DSCAM: variants seen among roughly 807,000 people sequenced by gnomAD.
The protein encoded by DSCAM is cell adhesion molecule DSCAM.
A neutral mutation model predicts 217.7 loss-of-function variants in DSCAM; 47 were observed. The observed-to-expected ratio is 0.22, with a 90% CI of 0.17 to 0.28. The LOEUF (loss-of-function observed/expected upper bound fraction) is 0.28, where lower values mean the gene tolerates loss of function less well. Ranked by LOEUF, DSCAM falls within the 10% of genes least tolerant of loss-of-function variation. DSCAM has a pLI of 1.00. For synonymous variants in DSCAM, 1,056 were observed against 1,015.3 expected (o/e 1.04, Z -0.76); for missense variants, 2,080 against 2,618.3 (o/e 0.79, Z 4.49).
intron 20 of DSCAM, among the ~76,000 whole-genome samples, chr21:40,118,063 G>T (rs1397794598): frequency 6.6e-6 from 1 of 152,134 alleles, no homozygotes; most frequent in African/African-American, 2.4e-5. Flanking sequence ...AAACTAGACA[G>T]GAGATGCAGC....
intron 1 of DSCAM, among the ~76,000 whole-genome samples, chr21:40,747,433 T>A (rs550626640): frequency 2.6e-5 from 4 of 151,830 alleles, no homozygotes; most frequent in Admixed American, 1.3e-4. Flanking sequence ...AATTTCTATA[T>A]GCCAAGAAAT....
intron 8 of DSCAM, among the ~76,000 whole-genome samples, chr21:40,326,346 T>C (rs1050668706): frequency 6.6e-6 from 1 of 152,230 alleles, no homozygotes; most frequent in Non-Finnish European, 1.5e-5. Flanking sequence ...GGTGGCACTC[T>C]CATTCCCCTC....
At position 40,314,480 on chromosome 21, in the gene DSCAM, G is replaced by A. The variant is rs568150123; in HGVS notation, c.1784-2121C>T. 4.6e-5 allele frequency among the ~76,000 whole-genome samples: 7 copies of A among 152,292 alleles called. No individual in the cohort carries two copies. In the South Asian group the frequency reaches 1.5e-3, roughly 32 times the overall value. ...ATCCAGTGCTGGTGGAGAGAATCGGGTCAGACTGAGGTATGAACGTTCTCA... is the reference window on the plus strand; with the variant it reads ...ATCCAGTGCTGGTGGAGAGAATCGGATCAGACTGAGGTATGAACGTTCTCA... On this transcript the variant is annotated intron_variant, in intron 8 of 32. Coordinates refer to ENST00000400454, the MANE Select transcript of DSCAM (RefSeq NM_001389.5).
At chr21:40,453,399 C>G (rs749586283) in intron 3 of DSCAM, among the ~76,000 whole-genome samples, 17 of 152,190 alleles carry the variant, frequency 1.1e-4, no homozygotes, top group Admixed American at 2.6e-4. Context: ...CAGCTGCAAT[C>G]CTGACAGATT....
At chr21:40,647,111 A>G (rs1265783432) in intron 3 of DSCAM, among the ~76,000 whole-genome samples, 2 of 152,224 alleles carry the variant, frequency 1.3e-5, no homozygotes, top group Non-Finnish European at 1.5e-5. Flanking sequence ...CAGTCCTATT[A>G]TCATCACTTT....
At chr21:40,803,282 C>T (rs751742614) in intron 1 of DSCAM, among the ~76,000 whole-genome samples, 9 of 152,188 alleles carry the variant, frequency 5.9e-5, no homozygotes, top group Non-Finnish European at 4.4e-5. Context: ...ATGCCTTTGA[C>T]GTTCTCATTG....
intron 16 of DSCAM, among the ~76,000 whole-genome samples, chr21:40,160,104 T>G (rs1390225903): frequency 6.6e-6 from 1 of 152,178 alleles, no homozygotes; most frequent in African/African-American, 2.4e-5. Context: ...ACATCCGTTA[T>G]CCTCTATGGC....
intron 3 of DSCAM, among the ~76,000 whole-genome samples, chr21:40,468,511 A>G (rs1033592313): frequency 2.0e-5 from 3 of 152,132 alleles, no homozygotes; most frequent in Non-Finnish European, 4.4e-5. Flanking sequence ...GAGTAAATGG[A>G]AAAACAGCAA....
At chr21:40,251,350 G>C (rs534261221) in intron 11 of DSCAM, among the ~76,000 whole-genome samples, 18 of 151,756 alleles carry the variant, frequency 1.2e-4, no homozygotes, top group African/African-American at 4.1e-4. Flanking sequence ...CATATTAGCA[G>C]AGAGAAAAAA....
intron 1 of DSCAM, among the ~76,000 whole-genome samples, chr21:40,815,606 G>A (rs1429311903): frequency 6.6e-6 from 1 of 152,212 alleles, no homozygotes. Context: ...TAATGGAAGT[G>A]TCACACACAC....
intron 20 of DSCAM, among the ~76,000 whole-genome samples, chr21:40,107,469 G>A (rs552382941): frequency 7.9e-5 from 12 of 152,068 alleles, no homozygotes; most frequent in Admixed American, 6.5e-4. Context: ...GGAGAGTTCT[G>A]TAAATATCTT....
chr21:40,777,425 T>G lies in DSCAM; in HGVS notation c.44-68654A>C, dbSNP rs138616295. Reference sequence around the variant, plus strand: ...AAGTTTCCTTCCTATCTGCTCAATCTTTAATATAAATGGAAATCAACAGCC... The same window carrying G: ...AAGTTTCCTTCCTATCTGCTCAATCGTTAATATAAATGGAAATCAACAGCC... On this transcript the variant is annotated intron_variant, in intron 1 of 32. Coordinates refer to ENST00000400454, the MANE Select transcript of DSCAM (RefSeq NM_001389.5). Among the ~76,000 whole-genome samples the G allele has an allele frequency of 4.9e-3, 752 of 152,304 alleles. 3 individuals carry two copies. The highest frequency in any genetic ancestry group is 0.017 in the African/African-American group (703 of 41,564).
chr21:40,647,818 C>T (rs2089965425), intron 3 of DSCAM, among the ~76,000 whole-genome samples: 2 of 152,122 alleles, frequency 1.3e-5, no homozygotes, highest in South Asian at 4.2e-4. Flanking sequence ...TATATAATGC[C>T]TCACATCTGC....
intron 3 of DSCAM, among the ~76,000 whole-genome samples, chr21:40,397,756 T>C (rs1416600275): frequency 1.3e-5 from 2 of 151,948 alleles, no homozygotes; most frequent in Non-Finnish European, 1.5e-5. Context: ...TTACCACTAC[T>C]GCTACTATCA....
In DSCAM at chr21:40,805,802, G is replaced by A. The variant is rs560400258; in HGVS notation, c.43+40817C>T. Among the ~76,000 whole-genome samples the A allele has an allele frequency of 2.2e-3, 332 of 151,372 alleles. 3 individuals carry two copies. Among genetic ancestry groups the A allele is most frequent in the African/African-American group, 7.3e-3 (301 of 41,226 alleles). ...CGGCTCACTGCAAGCTCCACCTCCC[G>A]GGTTCATGCCATTCTCCTGCCTCAG... On this transcript the variant is annotated intron_variant, in intron 1 of 32. Coordinates refer to ENST00000400454, the MANE Select transcript of DSCAM (RefSeq NM_001389.5).
intron 3 of DSCAM, among the ~76,000 whole-genome samples, chr21:40,681,961 G>A (rs868580196): frequency 7.2e-5 from 11 of 152,128 alleles, no homozygotes; most frequent in African/African-American, 1.7e-4. Flanking sequence ...GACCCTCCCC[G>A]CAGCCCTCTG....
chr21:40,128,854 G>A (rs939839049), intron 19 of DSCAM, among the ~76,000 whole-genome samples: 2 of 152,102 alleles, frequency 1.3e-5, no homozygotes, highest in African/African-American at 2.4e-5. Context: ...CCTTAGAAAC[G>A]ATGAGATAAG....
chr21:40,370,516 GC>G (rs1267889172), intron 3 of DSCAM, among the ~76,000 whole-genome samples: 25 of 151,964 alleles, frequency 1.6e-4, no homozygotes, highest in African/African-American at 6.0e-4. Flanking sequence ...TAGCTTCATT[GC>G]TTTTGAGCTT....
intron 1 of DSCAM, among the ~76,000 whole-genome samples, chr21:40,837,864 A>T (rs2092069381): frequency 6.6e-6 from 1 of 152,322 alleles, no homozygotes; most frequent in African/African-American, 2.4e-5. Flanking sequence ...ATTCCAAAGC[A>T]TTGTTATTTC....
Sources: gnomAD v4.1 joint callset for allele counts (sites outside exome capture counted in the v4.1 genomes callset) on GRCh38, gnomAD v4.1.1 for gene constraint, MANE v1.5 for transcripts, NCBI Gene and HGNC (gene_info 2026-07-23, HGNC 2026-07-21) for gene names.